Variants in RYR2 observed in about 807,000 individuals in gnomAD.
RYR2 encodes ryanodine receptor 2, also known as cardiac muscle ryanodine receptor-calcium release channel.
Under a neutral mutation model 601.1 loss-of-function variants are expected in RYR2, and 227 were observed. The observed-to-expected ratio is 0.38, with a 90% CI of 0.34 to 0.42. The LOEUF is 0.42. Ranked by LOEUF, RYR2 falls within the 10% of genes least tolerant of loss-of-function variation. RYR2 has a pLI of 1.00. For missense variants in RYR2, 4,646 were observed against 6,156.5 expected, an observed-to-expected ratio of 0.75 and a Z score of 8.21; for synonymous variants, 2,223 against 2,175.1, an observed-to-expected ratio of 1.02 and a Z score of -0.61.
intron 2 of RYR2, among the ~76,000 whole-genome samples, chr1:237,276,374 A>G (rs1690292917): frequency 6.6e-6 from 1 of 152,222 alleles, no homozygotes; most frequent in Non-Finnish European, 1.5e-5. Context: ...TGCTGAGATT[A>G]CAAGCGTGAG....
chr1:237,198,652 G>T lies in RYR2; in HGVS notation c.49-71845G>T, dbSNP rs192573951. On this transcript the variant is annotated intron_variant, in intron 1 of 104. Coordinates refer to ENST00000366574, the MANE Select transcript of RYR2 (RefSeq NM_001035.3). The stretch of plus-strand genomic sequence containing the variant: ...ATTCCTGGCAATTTGGCATGAACTT[G>T]ACTGCTCTTAGAGAGACTATAGTAA... Among the ~76,000 whole-genome samples, 260 of 152,108 alleles carry T rather than the reference G, an allele frequency of 1.7e-3. 3 individuals are homozygous for T. The South Asian group carries it at 0.024, about 14-fold the overall frequency.
At chr1:237,720,173 A>C (rs1689603824) in intron 73 of RYR2, among the ~76,000 whole-genome samples, 1 of 152,212 alleles carries the variant, frequency 6.6e-6, no homozygotes, top group African/African-American at 2.4e-5. Flanking sequence ...AAGTCAAGCT[A>C]GTATTTTGAC....
At chr1:237,247,243 G>T (rs1686943725) in intron 1 of RYR2, among the ~76,000 whole-genome samples, 1 of 152,202 alleles carries the variant, frequency 6.6e-6, no homozygotes, top group South Asian at 2.1e-4. Flanking sequence ...TACTGGAAGA[G>T]TAAGCATTTA....
chr1:237,090,445 A>C (rs1370701501), intron 1 of RYR2, among the ~76,000 whole-genome samples: 1 of 152,148 alleles, frequency 6.6e-6, no homozygotes, highest in Non-Finnish European at 1.5e-5. Flanking sequence ...GGAAGCAGAG[A>C]TCAGAGACAG....
chr1:237,611,790 A>G (rs1057376674), intron 36 of RYR2, among the ~76,000 whole-genome samples: 5 of 152,190 alleles, frequency 3.3e-5, no homozygotes, highest in Non-Finnish European at 5.9e-5. Flanking sequence ...GTCCATTTTT[A>G]TATCTTTAGA....
chr1:237,648,958 G>A (rs1682445665), intron 49 of RYR2, among the ~76,000 whole-genome samples: 2 of 152,158 alleles, frequency 1.3e-5, no homozygotes, highest in African/African-American at 4.8e-5. Context: ...CTTCCAAATT[G>A]GCCTAAACAA....
chr1:237,097,516 G>A (rs530246632), intron 1 of RYR2, among the ~76,000 whole-genome samples: 1 of 152,250 alleles, frequency 6.6e-6, no homozygotes, highest in South Asian at 2.1e-4. Flanking sequence ...CTGGGTCTCT[G>A]GTATATTTAC....
chr1:237,496,473 T>G (rs1281527255), intron 19 of RYR2, 38 bp from the exon 20 acceptor site: 1 of 1,597,956 alleles, frequency 6.3e-7, no homozygotes, highest in Non-Finnish European at 8.5e-7. Context: ...AAAGGTTTTT[T>G]TGGACTTTCC....
intron 70 of RYR2, among the ~76,000 whole-genome samples, chr1:237,709,929 C>T (rs937645508): frequency 2.6e-5 from 4 of 152,142 alleles, no homozygotes; most frequent in Non-Finnish European, 5.9e-5. Flanking sequence ...ATAACCCACA[C>T]TCATTTTACT....
Position 237,595,646 on chromosome 1 carries a change from A to G in RYR2, c.4585A>G (p.Thr1529Ala). The part of the protein sequence containing the change: ...TFIANGKELS[T>A]YYQVEPSTKL... ...CATTGCCAATGGCAAGGAACTGAGC[A>G]CATACTATCAGGTACGCGGTCAGTG... The change falls in exon 34 of 105, where the codon ACA becomes GCA. Residue 1529 changes from threonine to alanine, a missense_variant. Physicochemically the swap from Thr to Ala is moderately conservative, Grantham distance 58. Coordinates refer to ENST00000366574, the MANE Select transcript of RYR2 (RefSeq NM_001035.3). 6.2e-7 allele frequency: 1 copy of G among 1,611,768 alleles called. No homozygotes were observed. Among genetic ancestry groups the G allele is most frequent in the Non-Finnish European group, 8.5e-7 (1 of 1,179,088 alleles).
In RYR2 at chr1:237,426,909, G is replaced by A. The variant is rs566259147; in HGVS notation, c.1005+3661G>A. ...AAAACTAAAAATAAAAAAATTAACA[G>A]GCAAAATACATCTAACGAAAATTGG... On this transcript the variant is annotated intron_variant, in intron 12 of 104. Transcript: ENST00000366574. Among the ~76,000 whole-genome samples, 5 of 152,116 alleles carry A rather than the reference G, an allele frequency of 3.3e-5. No individual in the cohort carries two copies. The East Asian group carries it at 9.7e-4, about 29-fold the overall frequency.
At chr1:237,702,201 A>G (rs1175351515) in intron 66 of RYR2, 142 bp downstream of exon 66, 1 of 584,668 alleles carries the variant, frequency 1.7e-6, no homozygotes, top group African/African-American at 1.9e-5. Flanking sequence ...GGAAGTAATT[A>G]GACAATCTTT....
rs1694319160 is a variant in RYR2 at position 237,772,120 on chromosome 1, A to G, written c.11646+20A>G. The G allele has an allele frequency of 7.7e-7, 1 of 1,307,158 alleles. No individual in the cohort carries two copies. The highest frequency in any genetic ancestry group is 2.5e-5 in the East Asian group (1 of 40,108). 81.0% of individuals were successfully genotyped at this position (1,307,158 alleles called of 1,614,324 possible). On this transcript the variant is annotated intron_variant, in intron 86 of 104. Coordinates refer to ENST00000366574, the MANE Select transcript of RYR2 (RefSeq NM_001035.3). ...GTTCAGGTATGTTGCTTTCCATATT[A>G]GTAACAAATTAAAAGGGTTGGTATG...
chr1:237,081,460 A>C (rs934787182), intron 1 of RYR2, among the ~76,000 whole-genome samples: 1 of 151,450 alleles, frequency 6.6e-6, no homozygotes, highest in Admixed American at 6.6e-5. Context: ...GATCCACAGG[A>C]GGACCCTGTC....
Position 237,773,529 on chromosome 1 carries a change from A to C in RYR2, c.11656A>C (p.Ser3886Arg). ...DYLLRVQESI[S>R]DFYWYYSGKD... ...CATCTCTATTTCCCAGGAATCAATT[A>C]GTGACTTTTATTGGTATTACTCTGG... The change falls in exon 87 of 105, where the codon AGT (serine) becomes CGT (arginine). Residue 3886 changes from serine (S) to arginine (R), a missense_variant. Physicochemically the swap from Ser to Arg is moderately radical, Grantham distance 110. Around this residue, in one of 17 missense-constraint regions of RYR2, gnomAD observed 90 missense variants for 213.3 expected, o/e 0.42. Coordinates refer to ENST00000366574, the MANE Select transcript of RYR2 (RefSeq NM_001035.3). The C allele has an allele frequency of 1.3e-6, 2 of 1,582,902 alleles. No individual in the cohort carries two copies. Among genetic ancestry groups the C allele is most frequent in the East Asian group, 2.2e-5 (1 of 44,620 alleles).
chr1:237,801,666 A>G (rs1319260384), intron 97 of RYR2, among the ~76,000 whole-genome samples, 190 bp from the exon 98 acceptor site: 7 of 152,220 alleles, frequency 4.6e-5, no homozygotes, highest in Non-Finnish European at 8.8e-5. Flanking sequence ...CTAAGAACAC[A>G]TCATGAAACT....
At chr1:237,056,614 C>T (rs1200971615) in intron 1 of RYR2, among the ~76,000 whole-genome samples, 1 of 138,254 alleles carries the variant, frequency 7.2e-6, no homozygotes, top group African/African-American at 3.3e-5. Context: ...CCTGTGAGGA[C>T]TGGAGCACTG....
At chr1:237,063,706 C>T (rs150552623) in intron 1 of RYR2, among the ~76,000 whole-genome samples, 233 of 152,148 alleles carry the variant, frequency 1.5e-3, no homozygotes, top group Non-Finnish European at 2.5e-3. Context: ...AGTGCCTTTC[C>T]GTTGTCCTGC....
chr1:237,048,830 TG>T (rs1340308912), intron 1 of RYR2, among the ~76,000 whole-genome samples: 1 of 152,234 alleles, frequency 6.6e-6, no homozygotes, highest in East Asian at 1.9e-4. Flanking sequence ...AGAAATCTTG[TG>T]GCAAGGAGAA....
Sources: allele counts gnomAD v4.1 joint callset (sites outside exome capture counted in the v4.1 genomes callset), GRCh38; gene constraint gnomAD v4.1.1; regional missense constraint gnomAD v4.1.1; transcripts MANE v1.5; gene names NCBI Gene and HGNC (gene_info 2026-07-23, HGNC 2026-07-21).